The following AGBL4 variants were observed in gnomAD, a reference collection of about 807,000 sequenced individuals.
AGBL4 encodes cytosolic carboxypeptidase 6.
In AGBL4, 58 loss-of-function variants were observed where a neutral mutation model predicts 66.4. That is an observed-to-expected ratio of 0.87 (90% CI 0.71 to 1.09). AGBL4 has a LOEUF of 1.09. AGBL4 is among the 50% of genes least tolerant of loss of function. AGBL4 has a pLI of 0.00. For missense variants in AGBL4, 579 were observed against 631.0 expected (o/e 0.92, Z 0.88); for synonymous variants, 234 against 222.9 (o/e 1.05, Z -0.44).
chr1:48,697,356 A>T (rs1415703244), intron 6 of AGBL4, among the ~76,000 whole-genome samples: 1 of 152,058 alleles, frequency 6.6e-6, no homozygotes, highest in African/African-American at 2.4e-5. Context: ...GGCTAGGGAA[A>T]GGAAGGGATG....
chr1:49,543,019 C>A lies in AGBL4; in HGVS notation c.282+154294G>T, dbSNP rs548910297. ...CGAGATGATTGGCATATGGCTAAGA[C>A]CTCCTTCCAAGGGCCACTAGGTGAC... On this transcript the variant is annotated intron_variant, in intron 3 of 13. Coordinates refer to ENST00000371839, the MANE Select transcript of AGBL4 (RefSeq NM_032785.4). 5.3e-5 allele frequency among the ~76,000 whole-genome samples: 8 copies of A among 151,034 alleles called. No individual in the cohort carries two copies. The East Asian group carries it at 1.4e-3, about 26-fold the overall frequency.
At chr1:48,689,187 G>T (rs887001299) in intron 6 of AGBL4, among the ~76,000 whole-genome samples, 5 of 132,636 alleles carry the variant, frequency 3.8e-5, no homozygotes, top group African/African-American at 9.7e-5. Flanking sequence ...CTGGGTGACA[G>T]AGCGAGACCC....
chr1:49,091,288 A>T (rs1190661062), intron 4 of AGBL4, among the ~76,000 whole-genome samples: 1 of 152,192 alleles, frequency 6.6e-6, no homozygotes, highest in African/African-American at 2.4e-5. Context: ...CAAAGCAACC[A>T]GACAACCTAT....
intron 5 of AGBL4, among the ~76,000 whole-genome samples, chr1:48,877,801 G>A (rs1292263122): frequency 6.6e-6 from 1 of 152,060 alleles, no homozygotes; most frequent in Non-Finnish European, 1.5e-5. Flanking sequence ...ACAGAGATAG[G>A]TGAAATATGG....
At chr1:48,996,599 A>G (rs557894098) in intron 5 of AGBL4, among the ~76,000 whole-genome samples, 2 of 152,334 alleles carry the variant, frequency 1.3e-5, no homozygotes, top group South Asian at 4.1e-4. Flanking sequence ...GGAAATGACC[A>G]TTAGAATTGG....
At chr1:49,156,089 G>T (rs1193829755) in intron 4 of AGBL4, among the ~76,000 whole-genome samples, 1 of 152,180 alleles carries the variant, frequency 6.6e-6, no homozygotes, top group East Asian at 1.9e-4. Flanking sequence ...TACCACTGCA[G>T]CTACAATAAT....
At chr1:48,606,294 T>C (rs1645152869) in intron 9 of AGBL4, among the ~76,000 whole-genome samples, 1 of 152,186 alleles carries the variant, frequency 6.6e-6, no homozygotes, top group African/African-American at 2.4e-5. Context: ...ATGCTCAAAC[T>C]TCTGGAGGAG....
chr1:49,950,110 A>G (rs1248572580), intron 1 of AGBL4, among the ~76,000 whole-genome samples: 1 of 142,928 alleles, frequency 7.0e-6, no homozygotes, highest in African/African-American at 2.5e-5. Context: ...ATATATACAT[A>G]TGTATATACA....
chr1:49,658,847 G>A (rs1020925500), intron 3 of AGBL4, among the ~76,000 whole-genome samples: 2 of 151,616 alleles, frequency 1.3e-5, no homozygotes, highest in African/African-American at 2.4e-5. Flanking sequence ...ATCACACACC[G>A]GGGCCTGTTG....
intron 4 of AGBL4, among the ~76,000 whole-genome samples, chr1:49,158,440 T>C (rs995299774): frequency 1.3e-5 from 2 of 152,188 alleles, no homozygotes; most frequent in Admixed American, 6.5e-5. Flanking sequence ...GACTGTTTCT[T>C]ATGATTTCTG....
intron 3 of AGBL4, among the ~76,000 whole-genome samples, chr1:49,538,180 C>G (rs1651750755): frequency 6.6e-6 from 1 of 152,096 alleles, no homozygotes; most frequent in Non-Finnish European, 1.5e-5. Context: ...TTCATAATAA[C>G]AAAGATGTGG....
intron 3 of AGBL4, among the ~76,000 whole-genome samples, chr1:49,635,704 C>T (rs1645658000): frequency 6.6e-6 from 1 of 152,022 alleles, no homozygotes; most frequent in Admixed American, 6.6e-5. Flanking sequence ...CTTCTTCATA[C>T]CCATCAGAAA....
intron 5 of AGBL4, among the ~76,000 whole-genome samples, chr1:48,955,763 C>T (rs1657399148): frequency 1.3e-5 from 2 of 152,188 alleles, no homozygotes; most frequent in Non-Finnish European, 2.9e-5. Context: ...TTCGGATTTG[C>T]CCGTGGCTGG....
At chr1:49,262,510 C>T (rs1430203788) in intron 3 of AGBL4, among the ~76,000 whole-genome samples, 8 of 152,220 alleles carry the variant, frequency 5.3e-5, no homozygotes, top group Non-Finnish European at 1.2e-4. Flanking sequence ...TGAACAGACA[C>T]TTCTCAAAAG....
At chr1:48,998,396 C>T (rs776256164) in intron 5 of AGBL4, among the ~76,000 whole-genome samples, 9 of 152,128 alleles carry the variant, frequency 5.9e-5, no homozygotes, top group Non-Finnish European at 8.8e-5. Context: ...TGATATCATA[C>T]GGTATGGTGG....
intron 3 of AGBL4, among the ~76,000 whole-genome samples, chr1:49,366,267 A>G (rs140386693): frequency 1.3e-5 from 2 of 152,312 alleles, no homozygotes; most frequent in East Asian, 3.9e-4. Flanking sequence ...CAAGCTCAAA[A>G]ATATTTCATT....
At chr1:49,499,227 C>T (rs977003130) in intron 3 of AGBL4, among the ~76,000 whole-genome samples, 1 of 151,970 alleles carries the variant, frequency 6.6e-6, no homozygotes, top group Non-Finnish European at 1.5e-5. Flanking sequence ...CTTCAATCTC[C>T]TTTCTCAACA....
At chr1:48,888,056 AG>A (rs1650544642) in intron 5 of AGBL4, among the ~76,000 whole-genome samples, 1 of 152,160 alleles carries the variant, frequency 6.6e-6, no homozygotes, top group African/African-American at 2.4e-5. Flanking sequence ...GCTGAGGCTG[AG>A]GGCTGTGAGG....
intron 3 of AGBL4, among the ~76,000 whole-genome samples, chr1:49,572,513 A>C (rs1644352149): frequency 6.6e-6 from 1 of 151,826 alleles, no homozygotes; most frequent in South Asian, 2.1e-4. Flanking sequence ...TCAATATTTC[A>C]TTTCACTGAT....
Sources: gnomAD v4.1 joint callset for allele counts (sites outside exome capture counted in the v4.1 genomes callset) on GRCh38, gnomAD v4.1.1 for gene constraint, MANE v1.5 for transcripts, NCBI Gene and HGNC (gene_info 2026-07-23, HGNC 2026-07-21) for gene names.